Variants in SMS observed in about 807,000 individuals in gnomAD.
SMS encodes the protein spermine synthase.
Under a neutral mutation model 33.0 loss-of-function variants are expected in SMS, and 3 were observed. The ratio of observed to expected loss-of-function variants is 0.09; its 90% CI spans 0.04 to 0.23. SMS has a LOEUF of 0.23. Ranked by LOEUF, SMS falls within the 10% of genes least tolerant of loss-of-function variation. SMS has a pLI of 1.00. For missense variants in SMS, 117 were observed against 288.6 expected (o/e 0.41, Z 4.31); for synonymous variants, 103 against 112.2 (o/e 0.92, Z 0.52).
chrX:21,977,011 T>G (rs781204841), intron 4 of SMS, 50 bp from the exon 5 acceptor site: 37 of 1,115,959 alleles, frequency 3.3e-5, no homozygotes, highest in Non-Finnish European at 4.2e-5. Flanking sequence ...TAGCTCCACT[T>G]GTAAGGCAGT....
chrX:21,988,640 G>T (rs1925529326), intron 9 of SMS, among the ~76,000 whole-genome samples: 1 of 94,814 alleles, frequency 1.1e-5, no homozygotes, highest in Admixed American at 1.3e-4. Flanking sequence ...AGTCCAGCCT[G>T]GGCAAGAGGG....
chrX:21,977,258 C>T (rs767592420), intron 5 of SMS, 22 bp downstream of exon 5: 8 of 1,148,456 alleles, frequency 7.0e-6, no homozygotes, highest in Admixed American at 2.2e-5. Context: ...ATCCCTGCCC[C>T]GATCACGTAA....
chrX:21,960,036 C>CGT (rs755205354), intron 1 of SMS: 66 of 202,122 alleles, frequency 3.3e-4, no homozygotes, highest in South Asian at 5.3e-4. Flanking sequence ...TGTGTACATC[C>CGT]GTGTGTGTGT....
At chrX:21,982,449 T>C (rs886176836) in intron 7 of SMS, among the ~76,000 whole-genome samples, 1 of 111,262 alleles carries the variant, frequency 9.0e-6, no homozygotes, top group Non-Finnish European at 1.9e-5. Context: ...AGGGGCAATA[T>C]CTCATGCTGG....
chrX:21,984,674 AATTT>A (rs1328707907), intron 8 of SMS, among the ~76,000 whole-genome samples: 1 of 112,199 alleles, frequency 8.9e-6, no homozygotes, highest in Non-Finnish European at 1.9e-5. Flanking sequence ...ATCATTTGAC[AATTT>A]ATTTAAATTA....
At chrX:21,971,504 CT>C (rs1384671567) in intron 2 of SMS, among the ~76,000 whole-genome samples, 1 of 111,738 alleles carries the variant, frequency 8.9e-6, no homozygotes, top group Non-Finnish European at 1.9e-5. Flanking sequence ...AAAAATGGCT[CT>C]GGTTTGAACT....
chrX:21,946,255 G>A (rs1285613063), intron 1 of SMS, among the ~76,000 whole-genome samples: 1 of 112,465 alleles, frequency 8.9e-6, no homozygotes, highest in Non-Finnish European at 1.9e-5. Context: ...GGAGGACTGA[G>A]ACAGCCCGTT....
At chrX:21,943,131 G>A (rs1319353717) in intron 1 of SMS, among the ~76,000 whole-genome samples, 2 of 111,919 alleles carry the variant, frequency 1.8e-5, no homozygotes, top group Non-Finnish European at 3.8e-5. Flanking sequence ...ACAGGCATGA[G>A]CCACCGTGCC....
At chrX:21,962,595 C>G (rs1291973950) in intron 1 of SMS, among the ~76,000 whole-genome samples, 2 of 111,775 alleles carry the variant, frequency 1.8e-5, no homozygotes, top group Non-Finnish European at 3.8e-5. Context: ...GGCCCACCCC[C>G]ACATTTCTAC....
In SMS at chrX:21,964,204, T is replaced by C. The variant is rs1275810687; in HGVS notation, c.50-2992T>C. 2.7e-5 allele frequency among the ~76,000 whole-genome samples: 3 copies of C among 111,620 alleles called. No homozygotes were observed. In the East Asian group the frequency reaches 8.5e-4, roughly 31 times the overall value. ...TAGATTATTTTCTGCCAAACGACTT[T>C]CCCAAAGGCACAGTTTTGCTAGGAA... On this transcript the variant is annotated intron_variant, in intron 1 of 10. Coordinates refer to ENST00000404933, the MANE Select transcript of SMS (RefSeq NM_004595.5).
At chrX:21,991,396 C>G (rs1294446821) in intron 9 of SMS, among the ~76,000 whole-genome samples, 1 of 111,165 alleles carries the variant, frequency 9.0e-6, no homozygotes, top group African/African-American at 3.3e-5. Context: ...CCAGGCCGGT[C>G]TCAAACTCAT....
At chrX:21,942,470 G>A (rs941135413) in intron 1 of SMS, among the ~76,000 whole-genome samples, 1 of 112,054 alleles carries the variant, frequency 8.9e-6, no homozygotes, top group South Asian at 3.7e-4. Context: ...GGTAGCTGTG[G>A]AGCACACTGT....
chrX:21,945,510 G>A (rs1334625078), intron 1 of SMS, among the ~76,000 whole-genome samples: 1 of 110,896 alleles, frequency 9.0e-6, no homozygotes, highest in Non-Finnish European at 1.9e-5. Flanking sequence ...TTGTACCCTT[G>A]ACCCTCATCA....
intron 1 of SMS, among the ~76,000 whole-genome samples, chrX:21,942,902 C>T (rs1293662507): frequency 9.8e-6 from 1 of 101,686 alleles, no homozygotes; most frequent in African/African-American, 3.7e-5. Context: ...TGCAGTGGTG[C>T]GATCTCGGCT....
intron 9 of SMS, among the ~76,000 whole-genome samples, chrX:21,990,358 T>C (rs1176328165): frequency 4.4e-5 from 5 of 112,606 alleles, no homozygotes; most frequent in Admixed American, 9.4e-5. Flanking sequence ...TAATATTGAC[T>C]TCAAGCACAT....
intron 1 of SMS, among the ~76,000 whole-genome samples, chrX:21,960,575 T>C (rs1290117607): frequency 2.7e-5 from 3 of 112,159 alleles, no homozygotes; most frequent in African/African-American, 9.7e-5. Flanking sequence ...CACATATTGC[T>C]TCTTTCTGTA....
At chrX:21,947,267 C>G (rs747624264) in intron 1 of SMS, among the ~76,000 whole-genome samples, 4 of 111,740 alleles carry the variant, frequency 3.6e-5, no homozygotes, top group African/African-American at 1.3e-4. Flanking sequence ...CAGGCACAGA[C>G]GCTGTTGCTT....
intron 2 of SMS, among the ~76,000 whole-genome samples, chrX:21,969,751 C>T (rs765814334): frequency 7.6e-4 from 86 of 112,546 alleles, no homozygotes; most frequent in Non-Finnish European, 1.4e-3. Context: ...AAGAGCTGTT[C>T]GGAAACTGCT....
intron 9 of SMS, among the ~76,000 whole-genome samples, chrX:21,989,388 A>G (rs1278479695): frequency 8.9e-6 from 1 of 112,276 alleles, no homozygotes; most frequent in East Asian, 2.8e-4. Context: ...AGGGGTAAAG[A>G]AACCAATGAC....
Sources: allele counts gnomAD v4.1 joint callset (sites outside exome capture counted in the v4.1 genomes callset), GRCh38; gene constraint gnomAD v4.1.1; transcripts MANE v1.5; gene names NCBI Gene and HGNC (gene_info 2026-07-23, HGNC 2026-07-21).